Variants in KCNT2 observed in about 807,000 individuals in gnomAD.
KCNT2 encodes the protein potassium sodium-activated channel subfamily T member 2.
A neutral mutation model predicts 153.8 loss-of-function variants in KCNT2; 67 were observed. The observed-to-expected ratio is 0.44, with a 90% confidence interval of 0.36 to 0.53. KCNT2 has a LOEUF of 0.53. Among genes scored for constraint, KCNT2 ranks in the 20% least tolerant of loss-of-function variants. The pLI is 0.00. For missense variants in KCNT2, 975 were observed against 1,354.8 expected, an observed-to-expected ratio of 0.72 and a Z score of 4.40; for synonymous variants, 500 against 458.8, an observed-to-expected ratio of 1.09 and a Z score of -1.15.
intron 1 of KCNT2, among the ~76,000 whole-genome samples, chr1:196,526,632 T>C (rs916185226): frequency 6.6e-6 from 1 of 152,072 alleles, no homozygotes; most frequent in Admixed American, 6.6e-5. Flanking sequence ...TTTGTATTTT[T>C]AGTAGAGATG....
chr1:196,289,132 T>C (rs1659951483), intron 22 of KCNT2, among the ~76,000 whole-genome samples: 1 of 152,068 alleles, frequency 6.6e-6, no homozygotes, highest in Non-Finnish European at 1.5e-5. Flanking sequence ...AAATTATATA[T>C]TACCTCAAGA....
chr1:196,573,350 T>C (rs1660992212), intron 1 of KCNT2, among the ~76,000 whole-genome samples: 2 of 152,114 alleles, frequency 1.3e-5, no homozygotes, highest in African/African-American at 4.8e-5. Flanking sequence ...TAAAATCAAG[T>C]GCACCTTCTG....
At chr1:196,469,487 T>C (rs142650968) in intron 5 of KCNT2, among the ~76,000 whole-genome samples, 82 of 152,190 alleles carry the variant, frequency 5.4e-4, no homozygotes, top group Admixed American at 2.3e-3. Flanking sequence ...TAACAATCAT[T>C]GGTATTAAAA....
At chr1:196,346,876 A>G (rs1223484668) in intron 14 of KCNT2, among the ~76,000 whole-genome samples, 5 of 152,084 alleles carry the variant, frequency 3.3e-5, no homozygotes, top group Admixed American at 3.3e-4. Context: ...TTTCTGGAGG[A>G]TTTCTGGTGA....
At chr1:196,435,855 T>G (rs1296712598) in intron 8 of KCNT2, among the ~76,000 whole-genome samples, 1 of 151,676 alleles carries the variant, frequency 6.6e-6, no homozygotes, top group East Asian at 1.9e-4. Context: ...CTTTTTATTA[T>G]CTTGTTTTTA....
At chr1:196,261,656 A>ATTCTTGGCTGTAAAGAT (rs1453817117) in intron 25 of KCNT2, among the ~76,000 whole-genome samples, 1 of 152,002 alleles carries the variant, frequency 6.6e-6, no homozygotes, top group African/African-American at 2.4e-5. Flanking sequence ...CTAAAAACAT[A>ATTCTTGGCTGTAAAGAT]TTCTTGGCTG....
chr1:196,443,436 G>A (rs570483213), intron 8 of KCNT2, among the ~76,000 whole-genome samples: 1 of 151,504 alleles, frequency 6.6e-6, no homozygotes, highest in African/African-American at 2.4e-5. Flanking sequence ...TACATTGAGA[G>A]CAAAATCTTA....
chr1:196,455,209 T>G (rs1380833052), intron 8 of KCNT2, among the ~76,000 whole-genome samples: 1 of 151,990 alleles, frequency 6.6e-6, no homozygotes, highest in African/African-American at 2.4e-5. Flanking sequence ...CTAGGTCACC[T>G]GGATAACCCA....
intron 1 of KCNT2, among the ~76,000 whole-genome samples, chr1:196,574,882 C>T (rs1029079032): frequency 2.6e-5 from 4 of 151,876 alleles, no homozygotes; most frequent in Non-Finnish European, 5.9e-5. Context: ...TTTTGAGTCT[C>T]TCTCTCTGTC....
intron 12 of KCNT2, among the ~76,000 whole-genome samples, chr1:196,411,864 C>A (rs1187895231): frequency 6.6e-6 from 1 of 151,666 alleles, no homozygotes; most frequent in Non-Finnish European, 1.5e-5. Context: ...CCTGTATATG[C>A]TATGTTTTTA....
chr1:196,304,901 T>C (rs1661491244), intron 22 of KCNT2, among the ~76,000 whole-genome samples: 1 of 152,146 alleles, frequency 6.6e-6, no homozygotes, highest in African/African-American at 2.4e-5. Context: ...TCAGGTTGTA[T>C]TGGTGACATC....
At chr1:196,239,333 C>A (rs1654738551) in intron 26 of KCNT2, among the ~76,000 whole-genome samples, 1 of 151,516 alleles carries the variant, frequency 6.6e-6, no homozygotes, top group Admixed American at 6.6e-5. Flanking sequence ...CTCATAAAAA[C>A]TGAAAATAAT....
chr1:196,376,191 T>C, intron 13 of KCNT2, among the ~76,000 whole-genome samples: 1 of 151,906 alleles, frequency 6.6e-6, no homozygotes, highest in East Asian at 1.9e-4. Flanking sequence ...TTTCTTTTTT[T>C]CCCATTGTCA....
intron 1 of KCNT2, among the ~76,000 whole-genome samples, chr1:196,545,449 G>A (rs929174685): frequency 6.6e-6 from 1 of 152,000 alleles, no homozygotes; most frequent in African/African-American, 2.4e-5. Flanking sequence ...TGACCTTGAG[G>A]AAACAGGATC....
chr1:196,233,070 A>G (rs995384284), intron 27 of KCNT2, among the ~76,000 whole-genome samples: 2 of 151,422 alleles, frequency 1.3e-5, no homozygotes, highest in Non-Finnish European at 3.0e-5. Context: ...CCATGAAAAA[A>G]GAACAGCTTT....
intron 21 of KCNT2, among the ~76,000 whole-genome samples, chr1:196,313,791 T>A (rs930419722): frequency 1.3e-5 from 2 of 151,612 alleles, no homozygotes; most frequent in Admixed American, 1.3e-4. Context: ...TCTTTGCAAT[T>A]TGGGTTTTTA....
chr1:196,482,727 T>G (rs1679110783), intron 3 of KCNT2, among the ~76,000 whole-genome samples: 1 of 152,090 alleles, frequency 6.6e-6, no homozygotes, highest in Admixed American at 6.6e-5. Flanking sequence ...ATATTCTTAT[T>G]TGTAACAGGA....
chr1:196,581,228 G>A (rs758139310), intron 1 of KCNT2, among the ~76,000 whole-genome samples: 8 of 151,984 alleles, frequency 5.3e-5, no homozygotes, highest in Non-Finnish European at 1.2e-4. Context: ...TCAGATTGTA[G>A]TGTTTCGCTT....
Position 196,334,165 on chromosome 1 carries a change from TATAG to T in KCNT2, c.1784-109_1784-106del, listed in dbSNP as rs1664765573. 4 of 659,402 alleles carry T rather than the reference TATAG, an allele frequency of 6.1e-6. No homozygotes were observed. In the East Asian group the frequency reaches 8.2e-5, roughly 14 times the overall value. The allele number at this position is 659,402 out of a possible 1,614,324, so 40.8% of individuals were successfully genotyped here. On this transcript the variant is annotated intron_variant, in intron 16 of 27. Coordinates refer to ENST00000294725, the MANE Select transcript of KCNT2 (RefSeq NM_198503.5). ...ATATAATAAACACAATAAATATATA[TATAG>T]AGAGAGTATATATTTATGCGTGTGG... is the stretch of plus-strand genomic sequence containing the variant.
Sources: allele counts gnomAD v4.1 joint callset (sites outside exome capture counted in the v4.1 genomes callset), GRCh38; gene constraint gnomAD v4.1.1; transcripts MANE v1.5; gene names NCBI Gene and HGNC (gene_info 2026-07-23, HGNC 2026-07-21).